WWOX: variants seen among roughly 807,000 people sequenced by gnomAD.
The protein encoded by WWOX is WW domain containing oxidoreductase, also known as WW domain-containing oxidoreductase.
Under a neutral mutation model 46.2 loss-of-function variants are expected in WWOX, and 69 were observed. The ratio of observed to expected loss-of-function variants is 1.49; its 90% CI spans 1.23 to 1.82. The LOEUF is 1.82. Ranked by LOEUF, WWOX falls within the 40% of genes most tolerant of loss-of-function variation. The probability of loss-of-function intolerance (pLI) is 0.00; values close to 1 mark genes in which losing one functional copy is unlikely to be tolerated. For synonymous variants in WWOX, 359 were observed against 202.6 expected (o/e 1.77, Z -6.56); for missense variants, 919 against 542.6 (o/e 1.69, Z -6.89).
chr16:78,450,898 T>A (rs1055539370), intron 8 of WWOX, among the ~76,000 whole-genome samples: 2 of 152,224 alleles, frequency 1.3e-5, no homozygotes, highest in Non-Finnish European at 2.9e-5. Flanking sequence ...TACCCAATAA[T>A]GAAAACAATA....
rs140971009 is a variant in WWOX, at chr16:78,388,754, G to A, written c.605+1806G>A. ...TGAGGCCGAGGTGGGCGGATCACCT[G>A]AAGTCAGGAGTTCGAGACCAGCCTG... is the stretch of plus-strand genomic sequence containing the variant. On this transcript the variant is annotated intron_variant, in intron 6 of 8. Coordinates refer to ENST00000566780, the MANE Select transcript of WWOX (RefSeq NM_016373.4). Among the ~76,000 whole-genome samples the A allele has an allele frequency of 3.1e-3, 465 of 151,724 alleles. 13 individuals are homozygous for A. The East Asian group carries it at 0.066, about 21-fold the overall frequency.
intron 8 of WWOX, among the ~76,000 whole-genome samples, chr16:78,879,766 A>C (rs111956452): frequency 2.0e-5 from 3 of 152,188 alleles, no homozygotes; most frequent in African/African-American, 7.2e-5. Context: ...AATCCCAGCT[A>C]CTTGGGAGGC....
intron 8 of WWOX, among the ~76,000 whole-genome samples, chr16:78,480,460 T>G (rs772645857): frequency 1.3e-5 from 2 of 152,242 alleles, no homozygotes; most frequent in Non-Finnish European, 2.9e-5. Flanking sequence ...TATATTTACA[T>G]GTACTGTCCT....
Position 79,023,876 on chromosome 16 carries a change from A to C in WWOX, c.1057-187732A>C, listed in dbSNP as rs368078549. 2.6e-3 allele frequency among the ~76,000 whole-genome samples: 396 copies of C among 152,288 alleles called. 27 individuals carry two copies. In the South Asian group the frequency reaches 0.079, roughly 30 times the overall value. On this transcript the variant is annotated intron_variant, in intron 8 of 8. Transcript: ENST00000566780. ...GAGGCTGAGGCAGGAGAATCACTTA[A>C]AGTCAGGAGGCAGAGGTTGCAGTGA...
At chr16:78,956,567 G>A (rs939989043) in intron 8 of WWOX, among the ~76,000 whole-genome samples, 1 of 152,140 alleles carries the variant, frequency 6.6e-6, no homozygotes, top group Non-Finnish European at 1.5e-5. Context: ...CACAGACATG[G>A]AATGACATGT....
At chr16:79,092,825 G>T (rs557866526) in intron 8 of WWOX, among the ~76,000 whole-genome samples, 30 of 152,176 alleles carry the variant, frequency 2.0e-4, no homozygotes, top group African/African-American at 7.0e-4. Flanking sequence ...CCATCCCGAG[G>T]CTGTCTCACT....
intron 8 of WWOX, among the ~76,000 whole-genome samples, chr16:78,540,418 T>C (rs1172941288): frequency 1.3e-5 from 2 of 152,338 alleles, no homozygotes; most frequent in East Asian, 3.9e-4. Flanking sequence ...CCAGCACATT[T>C]GCTGATTGCA....
chr16:79,029,959 T>G (rs1300285552), intron 8 of WWOX, among the ~76,000 whole-genome samples: 2 of 152,188 alleles, frequency 1.3e-5, no homozygotes, highest in African/African-American at 4.8e-5. Context: ...TTTTATAATT[T>G]CTTGATGATC....
At chr16:78,777,968 C>A (rs934716096) in intron 8 of WWOX, among the ~76,000 whole-genome samples, 7 of 151,336 alleles carry the variant, frequency 4.6e-5, no homozygotes, top group Admixed American at 2.0e-4. Context: ...TCGCTTGAAC[C>A]CAGGAGGTGG....
intron 8 of WWOX, among the ~76,000 whole-genome samples, chr16:78,676,957 G>C (rs753334923): frequency 6.6e-5 from 10 of 152,126 alleles, no homozygotes; most frequent in Non-Finnish European, 1.2e-4. Context: ...AATAAAAACG[G>C]TGTTTCCTCT....
chr16:78,594,706 T>C (rs2045443460), intron 8 of WWOX, among the ~76,000 whole-genome samples: 1 of 152,048 alleles, frequency 6.6e-6, no homozygotes, highest in Admixed American at 6.6e-5. Flanking sequence ...ACCTTTCTCC[T>C]TTGTCCCTTT....
intron 8 of WWOX, among the ~76,000 whole-genome samples, chr16:78,654,319 A>C (rs575804480): frequency 6.6e-6 from 1 of 152,328 alleles, no homozygotes; most frequent in Non-Finnish European, 1.5e-5. Context: ...TAAAAATATA[A>C]AATAATCTTA....
intron 8 of WWOX, among the ~76,000 whole-genome samples, chr16:78,621,144 A>G (rs531821407): frequency 2.0e-5 from 3 of 152,280 alleles, no homozygotes; most frequent in South Asian, 2.1e-4. Context: ...GGTATAGTGC[A>G]GAAACCAGAT....
rs1469818946 is a variant in WWOX, at chr16:78,257,258, G to T, written c.516+92969G>T. ...TAGGCATGTATGTTTCTCTTATGTA[G>T]GAAGGGGAAATAAGGCCATGAGATT... is the stretch of plus-strand genomic sequence containing the variant. On this transcript the variant is annotated intron_variant, in intron 5 of 8. Transcript: ENST00000566780. Among the ~76,000 whole-genome samples, 3 of 152,268 alleles carry T rather than the reference G, an allele frequency of 2.0e-5. No individual in the cohort carries two copies. In the East Asian group the frequency reaches 5.8e-4, roughly 29 times the overall value.
chr16:78,509,746 TAATG>T (rs2085311724), intron 8 of WWOX, among the ~76,000 whole-genome samples: 2 of 152,280 alleles, frequency 1.3e-5, no homozygotes, highest in Admixed American at 6.5e-5. Context: ...GCAATGTTAA[TAATG>T]CAGATTAAAT....
chr16:78,557,516 T>C lies in WWOX; in HGVS notation c.1056+124764T>C, dbSNP rs1181591043. On this transcript the variant is annotated intron_variant, in intron 8 of 8. Coordinates refer to ENST00000566780, the MANE Select transcript of WWOX (RefSeq NM_016373.4). ...CTGGAATGCCGGAGCACTGGGCCCA[T>C]GGAGCCCGTTTCACTTACACGTTTT... Among the ~76,000 whole-genome samples, 4 of 152,026 alleles carry C rather than the reference T, an allele frequency of 2.6e-5. No homozygotes were observed. The East Asian group carries it at 7.7e-4, about 29-fold the overall frequency.
chr16:79,084,096 G>T (rs537120452), intron 8 of WWOX, among the ~76,000 whole-genome samples: 69 of 152,276 alleles, frequency 4.5e-4, no homozygotes, highest in African/African-American at 1.7e-3. Context: ...GAGAGTGGCT[G>T]AGAAACCAGG....
At chr16:78,657,395 C>T (rs1421147438) in intron 8 of WWOX, among the ~76,000 whole-genome samples, 3 of 152,136 alleles carry the variant, frequency 2.0e-5, no homozygotes, top group African/African-American at 7.2e-5. Flanking sequence ...GCCTGTGCTT[C>T]CCGACTCCCA....
At chr16:78,823,639 G>A (rs1010226376) in intron 8 of WWOX, among the ~76,000 whole-genome samples, 4 of 152,124 alleles carry the variant, frequency 2.6e-5, no homozygotes, top group African/African-American at 9.7e-5. Context: ...TGGTGTCAGG[G>A]AGTTTATATA....
Sources: allele counts gnomAD v4.1 joint callset (sites outside exome capture counted in the v4.1 genomes callset), GRCh38; gene constraint gnomAD v4.1.1; transcripts MANE v1.5; gene names NCBI Gene and HGNC (gene_info 2026-07-23, HGNC 2026-07-21).